The following RUNX1 variants were observed in gnomAD, a reference collection of about 807,000 sequenced individuals.
RUNX1 encodes the protein RUNX family transcription factor 1, also known as runt-related transcription factor 1.
RUNX1 carries 19 observed loss-of-function variants against 42.8 expected under a neutral mutation model. The observed-to-expected ratio is 0.44, with a 90% CI of 0.31 to 0.65. The LOEUF (loss-of-function observed/expected upper bound fraction) is 0.65. Ranked by LOEUF, RUNX1 falls within the 30% of genes least tolerant of loss-of-function variation. RUNX1 has a pLI of 0.07. For missense variants in RUNX1, 528 were observed against 672.0 expected, an observed-to-expected ratio of 0.79 and a Z score of 2.37; for synonymous variants, 271 against 289.4, an observed-to-expected ratio of 0.94 and a Z score of 0.64.
intron 2 of RUNX1, among the ~76,000 whole-genome samples, chr21:34,918,211 G>A (rs778702310): frequency 2.7e-5 from 4 of 150,722 alleles, no homozygotes; most frequent in African/African-American, 7.3e-5. Context: ...CTGATAAATC[G>A]CTATGCAATA....
chr21:34,883,627 A>T (rs2057938373), intron 4 of RUNX1, among the ~76,000 whole-genome samples: 1 of 152,216 alleles, frequency 6.6e-6, no homozygotes, highest in African/African-American at 2.4e-5. Context: ...ACAGGCAAGA[A>T]GGGACTTGCT....
intron 6 of RUNX1, among the ~76,000 whole-genome samples, chr21:34,845,856 T>TTC (rs1401742602): frequency 6.6e-6 from 1 of 152,216 alleles, no homozygotes; most frequent in Admixed American, 6.5e-5. Flanking sequence ...AAGCCAGTTA[T>TTC]TCTCTGCCTT....
At chr21:34,980,982 G>A (rs924128210) in intron 2 of RUNX1, among the ~76,000 whole-genome samples, 2 of 152,206 alleles carry the variant, frequency 1.3e-5, no homozygotes, top group African/African-American at 4.8e-5. Context: ...TAGAGAAGAC[G>A]TAGGCGGAAA....
Position 34,918,231 on chromosome 21 carries a change from C to T in RUNX1, c.59-25268G>A, listed in dbSNP as rs150146878. 7.7e-3 allele frequency among the ~76,000 whole-genome samples: 1,175 copies of T among 151,918 alleles called. 7 individuals are homozygous for T. Among genetic ancestry groups the T allele is most frequent in the African/African-American group, 0.02 (820 of 41,390 alleles). ...AAATCGCTATGCAATAATCCAAGCA[C>T]CCCAATCCCTTGGGGGTGCTCATGA... is the stretch of plus-strand genomic sequence containing the variant. On this transcript the variant is annotated intron_variant, in intron 2 of 8. Coordinates refer to ENST00000675419, the MANE Select transcript of RUNX1 (RefSeq NM_001754.5).
chr21:35,004,277 C>T (rs2059067599), intron 2 of RUNX1, among the ~76,000 whole-genome samples: 1 of 152,192 alleles, frequency 6.6e-6, no homozygotes, highest in South Asian at 2.1e-4. Context: ...GACAAAGTGC[C>T]TGTGGTTGTG....
intron 4 of RUNX1, among the ~76,000 whole-genome samples, chr21:34,886,570 GAGGT>G (rs2057990860): frequency 6.6e-6 from 1 of 152,194 alleles, no homozygotes; most frequent in African/African-American, 2.4e-5. Context: ...CCCTGCCAGG[GAGGT>G]CCCGACCGGC....
chr21:34,973,477 T>C (rs1027599051), intron 2 of RUNX1, among the ~76,000 whole-genome samples: 2 of 152,228 alleles, frequency 1.3e-5, no homozygotes, highest in Admixed American at 6.5e-5. Flanking sequence ...ATACTATACA[T>C]ATATAAGTGA....
At chr21:34,880,864 C>A (rs2057894241) in intron 4 of RUNX1, 151 bp from the exon 5 acceptor site, 1 of 833,218 alleles carries the variant, frequency 1.2e-6, no homozygotes, top group South Asian at 1.5e-5. Flanking sequence ...TTAAGCAAAA[C>A]AACAGAAAAG....
At chr21:34,928,168 C>T (rs2058410364) in intron 2 of RUNX1, among the ~76,000 whole-genome samples, 1 of 152,130 alleles carries the variant, frequency 6.6e-6, no homozygotes, top group Non-Finnish European at 1.5e-5. Context: ...AGCCAAATTT[C>T]AAGTGCTCAG....
chr21:35,042,793 G>T (rs1194424455), intron 2 of RUNX1, among the ~76,000 whole-genome samples: 3 of 152,158 alleles, frequency 2.0e-5, no homozygotes, highest in African/African-American at 7.2e-5. Context: ...AAGCCACTGT[G>T]GTCAGCTTTT....
chr21:35,000,241 T>C (rs972818154), intron 2 of RUNX1, among the ~76,000 whole-genome samples: 1,658 of 142,246 alleles, frequency 0.012, 6 homozygotes, highest in African/African-American at 0.042. Context: ...TCTTTCTTTT[T>C]TTTTTTTTTT....
At chr21:34,859,339 T>C (rs760085764) in intron 6 of RUNX1, 135 bp downstream of exon 6, 3 of 736,596 alleles carry the variant, frequency 4.1e-6, no homozygotes, top group Admixed American at 2.1e-5. Flanking sequence ...ATGCAACTTT[T>C]TGGCTTTACG....
chr21:34,989,695 C>A (rs1386194888), intron 2 of RUNX1, among the ~76,000 whole-genome samples: 1 of 152,186 alleles, frequency 6.6e-6, no homozygotes, highest in Non-Finnish European at 1.5e-5. Context: ...AGTGTTTGTT[C>A]TGGTAGAATT....
At chr21:34,959,715 G>A (rs2058669888) in intron 2 of RUNX1, among the ~76,000 whole-genome samples, 3 of 151,730 alleles carry the variant, frequency 2.0e-5, no homozygotes, top group Non-Finnish European at 4.4e-5. Context: ...GAGTACCTGA[G>A]GGAGAAAGCT....
intron 7 of RUNX1, among the ~76,000 whole-genome samples, chr21:34,808,172 G>A (rs74701409): frequency 1.8e-4 from 28 of 152,364 alleles, no homozygotes; most frequent in African/African-American, 6.7e-4. Context: ...TTTGCCAACC[G>A]TTCGTCTCTG....
intron 7 of RUNX1, among the ~76,000 whole-genome samples, chr21:34,824,545 A>G (rs993810157): frequency 1.3e-5 from 2 of 152,200 alleles, no homozygotes; most frequent in African/African-American, 2.4e-5. Context: ...TTTAATCTCC[A>G]TAACAATTGG....
intron 7 of RUNX1, among the ~76,000 whole-genome samples, chr21:34,808,843 A>C (rs1398882420): frequency 6.6e-6 from 1 of 152,166 alleles, no homozygotes; most frequent in East Asian, 1.9e-4. Flanking sequence ...GTTCAAGGAT[A>C]GGTCACTAGC....
At chr21:34,837,602 C>T (rs113952830) in intron 6 of RUNX1, among the ~76,000 whole-genome samples, 25 of 152,302 alleles carry the variant, frequency 1.6e-4, no homozygotes, top group African/African-American at 4.8e-4. Context: ...ATTTGCCCCC[C>T]GAATGTTAAA....
intron 2 of RUNX1, among the ~76,000 whole-genome samples, chr21:34,991,518 C>T (rs555155226): frequency 1.3e-4 from 20 of 151,190 alleles, no homozygotes; most frequent in Middle Eastern, 3.4e-3. Context: ...TCACTATGTG[C>T]CCGGCAGCAT....
Sources: allele counts gnomAD v4.1 joint callset (sites outside exome capture counted in the v4.1 genomes callset), GRCh38; gene constraint gnomAD v4.1.1; transcripts MANE v1.5; gene names NCBI Gene and HGNC (gene_info 2026-07-23, HGNC 2026-07-21).